NELL1: variants seen among roughly 807,000 people sequenced by gnomAD.
NELL1 encodes protein kinase C-binding protein NELL1.
NELL1 carries 76 observed loss-of-function variants against 107.4 expected under a neutral mutation model. The ratio of observed to expected loss-of-function variants is 0.71; its 90% CI spans 0.59 to 0.86. The LOEUF is 0.86. Among genes scored for constraint, NELL1 ranks in the 40% least tolerant of loss-of-function variants. The pLI, the probability that NELL1 is intolerant of heterozygous loss-of-function variation, is 0.00. For synonymous variants in NELL1, 353 were observed against 341.2 expected, an observed-to-expected ratio of 1.03 and a Z score of -0.38; for missense variants, 1,024 against 1,005.5, an observed-to-expected ratio of 1.02 and a Z score of -0.25.
chr11:21,290,439 T>C (rs577073653), intron 14 of NELL1, among the ~76,000 whole-genome samples: 86 of 108,584 alleles, frequency 7.9e-4, no homozygotes, highest in African/African-American at 2.7e-3. Flanking sequence ...AAATATTCCT[T>C]CCTGCTGGCT....
intron 3 of NELL1, among the ~76,000 whole-genome samples, chr11:20,816,476 GA>G (rs2134019306): frequency 6.6e-6 from 1 of 152,232 alleles, no homozygotes; most frequent in African/African-American, 2.4e-5. Flanking sequence ...AAATGCTGCT[GA>G]TTTTTGTACA....
At chr11:21,043,071 G>A (rs1405684663) in intron 12 of NELL1, among the ~76,000 whole-genome samples, 1 of 152,108 alleles carries the variant, frequency 6.6e-6, no homozygotes, top group Non-Finnish European at 1.5e-5. Context: ...GGAAAAGGGG[G>A]CATGGCTATG....
At position 21,125,878 on chromosome 11, in the gene NELL1, C is replaced by T. The variant is rs148428154; in HGVS notation, c.1426+12164C>T. Among the ~76,000 whole-genome samples, 327 of 152,338 alleles carry T rather than the reference C, an allele frequency of 2.1e-3. 2 individuals are homozygous for T. The highest frequency in any genetic ancestry group is 0.017 in the Middle Eastern group (5 of 294). On this transcript the variant is annotated intron_variant, in intron 13 of 19. Transcript: ENST00000357134. ...CTCTGAATCAGCCAGGCCTGGGTTT[C>T]TGCCCCAAGTAGGGTATTTATTCAT...
chr11:21,454,172 T>C (rs1177838409), intron 15 of NELL1, among the ~76,000 whole-genome samples: 3 of 144,038 alleles, frequency 2.1e-5, no homozygotes, highest in African/African-American at 7.7e-5. Context: ...AGTGAGAATA[T>C]GCGGTGTTTG....
chr11:21,000,601 G>C (rs80025069), intron 12 of NELL1, among the ~76,000 whole-genome samples: 65 of 152,292 alleles, frequency 4.3e-4, no homozygotes, highest in Non-Finnish European at 7.9e-4. Flanking sequence ...AGACTCCATG[G>C]AAAAGAGTGA....
chr11:21,548,171 G>A (rs1029580845), intron 16 of NELL1, among the ~76,000 whole-genome samples: 11 of 151,904 alleles, frequency 7.2e-5, no homozygotes, highest in Non-Finnish European at 1.2e-4. Flanking sequence ...GAGTGAATAA[G>A]TGGCATTATG....
chr11:21,036,922 T>C (rs1283516937), intron 12 of NELL1, among the ~76,000 whole-genome samples: 1 of 152,094 alleles, frequency 6.6e-6, no homozygotes, highest in Non-Finnish European at 1.5e-5. Context: ...TTATCTAATG[T>C]TATTATTAGT....
chr11:21,410,392 ACT>A (rs2133809413), intron 15 of NELL1, among the ~76,000 whole-genome samples: 1 of 152,060 alleles, frequency 6.6e-6, no homozygotes, highest in Admixed American at 6.6e-5. Context: ...TTTGCTTAAA[ACT>A]CTCTGAGGAG....
At chr11:21,229,955 A>G (rs1857999819) in intron 14 of NELL1, among the ~76,000 whole-genome samples, 1 of 152,116 alleles carries the variant, frequency 6.6e-6, no homozygotes, top group Non-Finnish European at 1.5e-5. Context: ...TTATGAGGGC[A>G]TTCAGCATCT....
At chr11:21,537,896 T>C (rs1273862063) in intron 16 of NELL1, among the ~76,000 whole-genome samples, 1 of 152,132 alleles carries the variant, frequency 6.6e-6, no homozygotes, top group Non-Finnish European at 1.5e-5. Flanking sequence ...AAATGTTTAT[T>C]GAGAACAACC....
chr11:20,705,362 A>T (rs966316264), intron 2 of NELL1, among the ~76,000 whole-genome samples: 9 of 152,126 alleles, frequency 5.9e-5, no homozygotes, highest in South Asian at 2.1e-4. Context: ...ATAATGCCGC[A>T]TATCTACAAC....
chr11:21,122,780 C>A (rs766240582), intron 13 of NELL1, among the ~76,000 whole-genome samples: 2 of 152,216 alleles, frequency 1.3e-5, no homozygotes, highest in Non-Finnish European at 2.9e-5. Context: ...GTACGTATAT[C>A]AGTTTGAGTG....
chr11:21,183,003 C>T (rs1268117920), intron 13 of NELL1, among the ~76,000 whole-genome samples: 1 of 151,824 alleles, frequency 6.6e-6, no homozygotes, highest in Non-Finnish European at 1.5e-5. Context: ...TGCAGTTCTC[C>T]TCTTTCACCC....
chr11:21,050,774 T>C (rs553285214), intron 12 of NELL1, among the ~76,000 whole-genome samples: 2 of 152,286 alleles, frequency 1.3e-5, no homozygotes, highest in African/African-American at 2.4e-5. Flanking sequence ...GGTTAGACTC[T>C]AGGACCACAA....
intron 1 of NELL1, among the ~76,000 whole-genome samples, chr11:20,677,266 G>A (rs1217067967): frequency 6.6e-6 from 1 of 152,150 alleles, no homozygotes; most frequent in Admixed American, 6.5e-5. Context: ...TAACACAGGT[G>A]ATTGTGACTG....
intron 15 of NELL1, among the ~76,000 whole-genome samples, chr11:21,457,893 C>A (rs910037122): frequency 2.6e-5 from 4 of 152,134 alleles, no homozygotes; most frequent in Non-Finnish European, 5.9e-5. Context: ...AACAGTGATA[C>A]ATACATAAAG....
intron 2 of NELL1, among the ~76,000 whole-genome samples, chr11:20,777,598 T>G (rs1246187946): frequency 6.6e-6 from 1 of 152,190 alleles, no homozygotes; most frequent in Non-Finnish European, 1.5e-5. Context: ...AATTGACAAA[T>G]TTCCTCTACA....
intron 13 of NELL1, among the ~76,000 whole-genome samples, chr11:21,147,297 A>G (rs1272414222): frequency 6.6e-6 from 1 of 152,180 alleles, no homozygotes; most frequent in Non-Finnish European, 1.5e-5. Context: ...TAGCTAAGGA[A>G]CATTTTGAAT....
intron 12 of NELL1, among the ~76,000 whole-genome samples, chr11:20,979,153 G>A (rs778134940): frequency 2.6e-5 from 4 of 152,170 alleles, no homozygotes; most frequent in Non-Finnish European, 4.4e-5. Context: ...CTGCTGTGAG[G>A]AAGAAACTGT....
Sources: gnomAD v4.1 joint callset for allele counts (sites outside exome capture counted in the v4.1 genomes callset) on GRCh38, gnomAD v4.1.1 for gene constraint, MANE v1.5 for transcripts, NCBI Gene and HGNC (gene_info 2026-07-23, HGNC 2026-07-21) for gene names.